SLCO1B1: variants seen among roughly 807,000 people sequenced by gnomAD.
SLCO1B1 encodes OATP-2.
SLCO1B1 carries 81 observed loss-of-function variants against 70.1 expected under a neutral mutation model. That is an observed-to-expected ratio of 1.16 (90% CI 0.97 to 1.39). SLCO1B1 has a LOEUF of 1.39. SLCO1B1 is among the 40% of genes most tolerant of loss of function. The pLI, the probability that SLCO1B1 is intolerant of heterozygous loss-of-function variation, is 0.00. For synonymous variants in SLCO1B1, 283 were observed against 271.5 expected, an observed-to-expected ratio of 1.04 and a Z score of -0.42; for missense variants, 895 against 799.6, an observed-to-expected ratio of 1.12 and a Z score of -1.44.
At chr12:21,230,270 T>C (rs953211112) in intron 14 of SLCO1B1, among the ~76,000 whole-genome samples, 2 of 151,320 alleles carry the variant, frequency 1.3e-5, no homozygotes, top group Non-Finnish European at 2.9e-5. Flanking sequence ...CAATCTGATA[T>C]TTTTTGAGAA....
At chr12:21,150,508 A>C (rs571536052) in intron 2 of SLCO1B1, among the ~76,000 whole-genome samples, 2 of 152,116 alleles carry the variant, frequency 1.3e-5, no homozygotes, top group African/African-American at 4.8e-5. Context: ...ACAGGCCGCA[A>C]TCTCTGCTGT....
chr12:21,205,093 T>C (rs1475657688), intron 10 of SLCO1B1, among the ~76,000 whole-genome samples: 2 of 152,018 alleles, frequency 1.3e-5, no homozygotes, highest in Non-Finnish European at 2.9e-5. Context: ...GTTTTTCATT[T>C]AAATTATGTG....
chr12:21,136,164 T>G (rs1305591074), intron 1 of SLCO1B1, among the ~76,000 whole-genome samples: 3 of 152,324 alleles, frequency 2.0e-5, no homozygotes, highest in South Asian at 2.1e-4. Context: ...TGGTCCCCAC[T>G]CTCTTCTGGC....
intron 7 of SLCO1B1, among the ~76,000 whole-genome samples, chr12:21,192,647 T>C (rs934703579): frequency 3.9e-5 from 6 of 151,990 alleles, no homozygotes. Context: ...TTGTTTTTCT[T>C]TTTATAATTT....
Position 21,224,739 on chromosome 12 carries a change from A to T in SLCO1B1, c.1765A>T (p.Ile589Leu). Reference sequence around the variant, plus strand: ...TATTACAGGAGGAATTCTAGCTCCAATATATTTTGGGGCTCTGATTGATAC... The same window carrying T: ...TATTACAGGAGGAATTCTAGCTCCATTATATTTTGGGGCTCTGATTGATAC... ...IRALGGILAP[I>L]YFGALIDTTC... is the part of the protein sequence containing the mutation. The change falls in exon 14 of 15, where the codon ATA (isoleucine) becomes TTA (leucine). Residue 589 changes from isoleucine (I) to leucine (L), a missense_variant. By Grantham distance (5) the Ile-to-Leu change is conservative. Transcript: ENST00000256958. The T allele has an allele frequency of 2.5e-6, 4 of 1,608,746 alleles. No homozygotes were observed. The highest frequency in any genetic ancestry group is 3.4e-6 in the Non-Finnish European group (4 of 1,176,080).
chr12:21,208,887 T>G (rs1457532315), intron 11 of SLCO1B1, among the ~76,000 whole-genome samples: 1 of 152,040 alleles, frequency 6.6e-6, no homozygotes, highest in Non-Finnish European at 1.5e-5. Context: ...TTGTAGTTAT[T>G]CTAAATGGAA....
At chr12:21,157,103 G>A (rs1174672866) in intron 2 of SLCO1B1, among the ~76,000 whole-genome samples, 2 of 151,946 alleles carry the variant, frequency 1.3e-5, no homozygotes, top group Non-Finnish European at 2.9e-5. Context: ...CTATTTATGA[G>A]GAAACTACAT....
chr12:21,157,848 C>T (rs551064454), intron 2 of SLCO1B1, among the ~76,000 whole-genome samples: 196 of 152,232 alleles, frequency 1.3e-3, no homozygotes, highest in African/African-American at 4.4e-3. Context: ...GATCTGCCCA[C>T]CTCGGCCTCC....
intron 13 of SLCO1B1, among the ~76,000 whole-genome samples, chr12:21,222,704 C>CT (rs904076492): frequency 2.6e-5 from 4 of 151,388 alleles, no homozygotes; most frequent in South Asian, 2.1e-4. Context: ...CCAAATTTTT[C>CT]TTTTTTTTCA....
intron 7 of SLCO1B1, among the ~76,000 whole-genome samples, chr12:21,188,430 TATAAC>T (rs889937946): frequency 6.6e-6 from 1 of 152,178 alleles, no homozygotes; most frequent in Admixed American, 6.6e-5. Context: ...ATATAATACA[TATAAC>T]ATACAAAACA....
chr12:21,137,599 C>A (rs1451446759), intron 1 of SLCO1B1, among the ~76,000 whole-genome samples: 1 of 152,194 alleles, frequency 6.6e-6, no homozygotes, highest in Non-Finnish European at 1.5e-5. Flanking sequence ...GCTGTGCTTG[C>A]AATGAGCGAG....
intron 11 of SLCO1B1, among the ~76,000 whole-genome samples, chr12:21,210,404 G>A (rs1237855641): frequency 8.5e-6 from 1 of 116,978 alleles, no homozygotes; most frequent in South Asian, 2.7e-4. Context: ...GCTCTGTTCT[G>A]TTCCATTGAT....
At chr12:21,157,144 A>C (rs770035544) in intron 2 of SLCO1B1, among the ~76,000 whole-genome samples, 67 of 152,256 alleles carry the variant, frequency 4.4e-4, no homozygotes, top group Non-Finnish European at 9.6e-4. Context: ...TTTCATCTTT[A>C]TAAGGTTAGC....
intron 2 of SLCO1B1, among the ~76,000 whole-genome samples, chr12:21,170,723 T>C (rs1401880630): frequency 6.6e-6 from 1 of 152,254 alleles, no homozygotes; most frequent in African/African-American, 2.4e-5. Context: ...TTACATTTTA[T>C]TTTAAAACTT....
intron 2 of SLCO1B1, among the ~76,000 whole-genome samples, chr12:21,171,490 T>G (rs1940755447): frequency 6.6e-6 from 1 of 152,180 alleles, no homozygotes. Context: ...GCATGATCTA[T>G]TTCTGATTTG....
chr12:21,165,480 C>T (rs569158877), intron 2 of SLCO1B1, among the ~76,000 whole-genome samples: 1 of 151,854 alleles, frequency 6.6e-6, no homozygotes, highest in South Asian at 2.1e-4. Flanking sequence ...AATGCTAATC[C>T]CCAAGCTTAG....
intron 12 of SLCO1B1, among the ~76,000 whole-genome samples, chr12:21,221,318 C>G (rs1008781027): frequency 1.3e-5 from 2 of 152,074 alleles, no homozygotes; most frequent in Admixed American, 1.3e-4. Flanking sequence ...CTAGAGCAAT[C>G]AGGCAATAGA....
At chr12:21,198,971 T>C (rs185429213) in intron 8 of SLCO1B1, among the ~76,000 whole-genome samples, 2 of 152,220 alleles carry the variant, frequency 1.3e-5, no homozygotes, top group African/African-American at 4.8e-5. Context: ...CTTATAATAC[T>C]TACAAATCAG....
At chr12:21,178,778 A>C in intron 6 of SLCO1B1, 56 bp downstream of exon 6, 1 of 1,497,686 alleles carries the variant, frequency 6.7e-7, no homozygotes, top group Non-Finnish European at 9.3e-7. Flanking sequence ...CTACTTTTGA[A>C]ATAGTAGAGT....
Sources: gnomAD v4.1 joint callset for allele counts (sites outside exome capture counted in the v4.1 genomes callset) on GRCh38, gnomAD v4.1.1 for gene constraint, MANE v1.5 for transcripts, NCBI Gene and HGNC (gene_info 2026-07-23, HGNC 2026-07-21) for gene names.